HYDIN: variants seen among roughly 807,000 people sequenced by gnomAD.
HYDIN encodes the protein axonemal central pair apparatus protein HYDIN.
A neutral mutation model predicts 403.9 loss-of-function variants in HYDIN; 132 were observed. The observed-to-expected ratio is 0.33, with a 90% CI of 0.28 to 0.38. HYDIN has a LOEUF of 0.38. Ranked by LOEUF, HYDIN falls within the 10% of genes least tolerant of loss-of-function variation. The pLI, the probability that HYDIN is intolerant of heterozygous loss-of-function variation, is 1.00. For missense variants in HYDIN, 2,827 were observed against 5,009.5 expected (o/e 0.56, Z 13.15); for synonymous variants, 1,202 against 1,891.7 (o/e 0.64, Z 9.46).
chr16:70,863,549 A>G (rs113725461), intron 67 of HYDIN, among the ~76,000 whole-genome samples: 5 of 152,250 alleles, frequency 3.3e-5, no homozygotes, highest in African/African-American at 1.2e-4. Context: ...CAAATTCTAC[A>G]GGCCCTCCCT....
chr16:70,987,589 G>GAGAGTGCAGCGGAA (rs1228123912), intron 27 of HYDIN, among the ~76,000 whole-genome samples: 1 of 140,156 alleles, frequency 7.1e-6, no homozygotes, highest in African/African-American at 2.6e-5. Context: ...AGGTGAAGGA[G>GAGAGTGCAGCGGAA]AGAGTGCAGC....
intron 18 of HYDIN, among the ~76,000 whole-genome samples, chr16:71,049,249 C>T (rs2081555731): frequency 6.6e-6 from 1 of 152,182 alleles, no homozygotes; most frequent in South Asian, 2.1e-4. Flanking sequence ...GCCTAATGTC[C>T]CCTGCTAAGA....
At position 70,805,423 on chromosome 16, in the gene HYDIN, G is replaced by C. The variant is rs781704461; in HGVS notation, c.*2157C>G. 1.2e-4 allele frequency among the ~76,000 whole-genome samples: 18 copies of C among 152,292 alleles called. No individual in the cohort carries two copies. Among genetic ancestry groups the C allele is most frequent in the Middle Eastern group, 3.4e-3 (1 of 294 alleles). On this transcript the variant is annotated 3_prime_UTR_variant, in exon 86 of 86. Transcript: ENST00000393567. ...CACTCCGAATAACCAGGAGGCTCGA[G>C]GCTTTAGAGTCGTGGTTCTCACAGT...
intron 1 of HYDIN, among the ~76,000 whole-genome samples, chr16:71,215,570 T>TA (rs66570981): frequency 0.44 from 65,302 of 147,942 alleles, 15,784 homozygotes; most frequent in African/African-American, 0.65. Context: ...TTAATGCCAT[T>TA]AAAAAAAAAA....
rs4788770 is a variant in HYDIN at position 71,129,790 on chromosome 16, A to G, written c.1077T>C (p.Asp359=). 440,499 of 1,584,486 alleles carry G rather than the reference A, an allele frequency of 0.28. 31,086 individuals carry two copies. Among genetic ancestry groups the G allele is most frequent in the East Asian group, 0.46 (19,615 of 43,034 alleles). Residue 359 remains aspartate (D), a synonymous_variant, in exon 9 of 86, where the codon GAT becomes GAC. Transcript: ENST00000393567. ...ACTCTTCAAAAAACTCATCAGTCTCATCCTTCTCCTCTTTGATCAGATCAT... is the reference window on the plus strand; with the variant it reads ...ACTCTTCAAAAAACTCATCAGTCTCGTCCTTCTCCTCTTTGATCAGATCAT... ...ACDDLIKEEK[D]ETDEFFEECI... is the part of the protein sequence containing the mutation.
At chr16:71,113,442 C>G (rs1597806384) in intron 10 of HYDIN, 3 of 152,196 alleles carry the variant, frequency 2.0e-5, no homozygotes, top group Admixed American at 2.0e-4. Flanking sequence ...AATACAAGAA[C>G]TTCTATTAAA....
At chr16:70,808,621 C>T (rs552791074) in intron 85 of HYDIN, among the ~76,000 whole-genome samples, 1 of 152,296 alleles carries the variant, frequency 6.6e-6, no homozygotes, top group Admixed American at 6.5e-5. Flanking sequence ...GAGAAACAAG[C>T]CTTCATCTTA....
chr16:70,928,107 A>C (rs2077208011), intron 45 of HYDIN, among the ~76,000 whole-genome samples: 2 of 152,126 alleles, frequency 1.3e-5, no homozygotes, highest in Admixed American at 6.6e-5. Flanking sequence ...ATTTAGGTAA[A>C]AATAAATGCA....
chr16:70,879,183 T>C lies in HYDIN; in HGVS notation c.10557+114A>G, dbSNP rs1427016480. 46 of 636,856 alleles carry C rather than the reference T, an allele frequency of 7.2e-5. No individual in the cohort carries two copies. In the Admixed American group the frequency reaches 1.3e-3, roughly 18 times the overall value. 39.5% of individuals were successfully genotyped at this position (636,856 alleles called of 1,614,324 possible). On this transcript the variant is annotated intron_variant, in intron 62 of 85. Transcript: ENST00000393567. The stretch of plus-strand genomic sequence containing the variant: ...TGTCCCTGACACATAGGTTAATGTA[T>C]GTGGATCAACAGAGAAGTCCTCATA...
intron 23 of HYDIN, among the ~76,000 whole-genome samples, chr16:70,995,868 A>AT (rs141314149): frequency 6.6e-6 from 1 of 151,778 alleles, no homozygotes; most frequent in Admixed American, 6.6e-5. Flanking sequence ...GCTGTTTAAT[A>AT]TTTTTTTAAA....
intron 47 of HYDIN, among the ~76,000 whole-genome samples, chr16:70,911,929 T>G (rs1357807662): frequency 2.0e-5 from 3 of 150,838 alleles, no homozygotes; most frequent in Non-Finnish European, 4.4e-5. Flanking sequence ...TGTTGGTGTA[T>G]AGAAGAGCTA....
chr16:70,934,021 G>A (rs1468685073), intron 45 of HYDIN, among the ~76,000 whole-genome samples: 1 of 152,132 alleles, frequency 6.6e-6, no homozygotes, highest in Non-Finnish European at 1.5e-5. Context: ...AAGAAACCAG[G>A]GAGAAGGAGG....
chr16:71,001,962 G>A (rs2079729099), intron 23 of HYDIN, among the ~76,000 whole-genome samples: 1 of 152,208 alleles, frequency 6.6e-6, no homozygotes, highest in Admixed American at 6.5e-5. Context: ...TACTAATGAG[G>A]TGGAACATCT....
chr16:71,032,512 GTTAC>G (rs1165485182), intron 18 of HYDIN, among the ~76,000 whole-genome samples: 4 of 146,118 alleles, frequency 2.7e-5, no homozygotes, highest in Non-Finnish European at 6.0e-5. Flanking sequence ...ACAGACATGT[GTTAC>G]TTAATGACAG....
chr16:70,902,009 A>T (rs1266546789), intron 52 of HYDIN, among the ~76,000 whole-genome samples: 1 of 151,994 alleles, frequency 6.6e-6, no homozygotes, highest in Non-Finnish European at 1.5e-5. Context: ...TCATTGAAAA[A>T]AAAATTCACA....
rs368332616 is a variant in HYDIN at position 70,908,770 on chromosome 16, C to T, written c.8096G>A (p.Arg2699His). Residue 2699 changes from arginine (R) to histidine (H), a missense_variant, in exon 48 of 86, where the codon CGT (arginine) becomes CAT (histidine). Arg to His is a conservative substitution (Grantham distance 29). Transcript: ENST00000393567. ...GACCTTCCTGTTTAAGGCCATGTGA[C>T]GCTTGTCTTTCTGAATCTCGAAGAC... ...DQVFEIQKDK[R>H]HMALNRKVLS... The T allele has an allele frequency of 1.7e-5, 27 of 1,614,172 alleles. No homozygotes were observed. The highest frequency in any genetic ancestry group is 8.0e-5 in the African/African-American group (6 of 75,042).
chr16:71,175,276 C>T (rs1178641515), intron 5 of HYDIN, among the ~76,000 whole-genome samples: 5 of 151,964 alleles, frequency 3.3e-5, no homozygotes, highest in African/African-American at 9.7e-5. Flanking sequence ...CACCATCACC[C>T]ACCACTACCC....
At chr16:71,055,649 C>T (rs569209893) in intron 18 of HYDIN, among the ~76,000 whole-genome samples, 205 of 127,508 alleles carry the variant, frequency 1.6e-3, no homozygotes, top group Middle Eastern at 0.014. Flanking sequence ...TTTAAAAGAA[C>T]GATGCTTGGA....
Position 70,868,535 on chromosome 16 carries a change from GC to G in HYDIN, c.11310+34del, listed in dbSNP as rs1567734137. 3.8e-6 allele frequency: 6 copies of G among 1,588,996 alleles called. No individual in the cohort carries two copies. The South Asian group carries it at 6.8e-5, about 18-fold the overall frequency. ...GACCAGTAGGAATCCAAGCATGGAG[GC>G]CTGGTCAGATTGGTGCTTGATGTCC... On this transcript the variant is annotated intron_variant, in intron 66 of 85. Transcript: ENST00000393567.
Sources: allele counts gnomAD v4.1 joint callset (sites outside exome capture counted in the v4.1 genomes callset), GRCh38; gene constraint gnomAD v4.1.1; transcripts MANE v1.5; gene names NCBI Gene and HGNC (gene_info 2026-07-23, HGNC 2026-07-21).